GFRA2: variants seen among roughly 807,000 people sequenced by gnomAD.
GFRA2 encodes GDNF family receptor alpha-2.
GFRA2 carries 17 observed loss-of-function variants against 48.3 expected under a neutral mutation model. That is an observed-to-expected ratio of 0.35 (90% CI 0.24 to 0.53). The LOEUF is 0.53. Among genes scored for constraint, GFRA2 ranks in the 20% least tolerant of loss-of-function variants. GFRA2 has a pLI of 0.93. For missense variants in GFRA2, 660 were observed against 637.3 expected (o/e 1.04, Z -0.38); for synonymous variants, 305 against 257.2 (o/e 1.19, Z -1.78).
rs1215216583 is a variant in GFRA2 at position 21,691,769 on chromosome 8, G to T, written c.*1509C>A. ...TGGAGAAGTGAGCAAAGAGGGAACAGAACAGCCCACCAGGCTCAGCACAGC... is the reference window on the plus strand; with the variant it reads ...TGGAGAAGTGAGCAAAGAGGGAACATAACAGCCCACCAGGCTCAGCACAGC... On this transcript the variant is annotated 3_prime_UTR_variant, in exon 9 of 9. Coordinates refer to ENST00000524240, the MANE Select transcript of GFRA2 (RefSeq NM_001495.5). The T allele has an allele frequency of 6.6e-6, 1 of 152,364 alleles. No individual in the cohort carries two copies. The highest frequency in any genetic ancestry group is 1.5e-5 in the Non-Finnish European group (1 of 68,122). The allele number at this position is 152,364 out of a possible 1,614,324, so 9.4% of individuals were successfully genotyped here.
intron 7 of GFRA2, 148 bp from the exon 8 acceptor site, chr8:21,694,665 C>G: frequency 1.4e-6 from 1 of 729,188 alleles, no homozygotes; most frequent in South Asian, 1.7e-5. Flanking sequence ...CTCAATTCCA[C>G]CCAGCACAAA....
chr8:21,706,211 T>C (rs1284227870), intron 4 of GFRA2, among the ~76,000 whole-genome samples, 170 bp from the exon 5 acceptor site: 1 of 152,110 alleles, frequency 6.6e-6, no homozygotes, highest in African/African-American at 2.4e-5. Flanking sequence ...GGGGGCTCAA[T>C]CTGTGAGCTT....
chr8:21,735,638 AT>A (rs1804419893), intron 4 of GFRA2, among the ~76,000 whole-genome samples: 2 of 152,086 alleles, frequency 1.3e-5, no homozygotes, highest in Non-Finnish European at 2.9e-5. Context: ...AGAAACAACA[AT>A]ATAGCCAGGT....
upstream of GFRA2, among the ~76,000 whole-genome samples, chr8:21,791,316 G>A (rs999212629): frequency 1.2e-4 from 18 of 151,970 alleles, no homozygotes; most frequent in Admixed American, 1.1e-3. Context: ...GCCCTTCTGC[G>A]ACCCAAGACC....
intron 3 of GFRA2, among the ~76,000 whole-genome samples, chr8:21,761,255 CACTT>C (rs1279357944): frequency 5.9e-5 from 9 of 152,242 alleles, no homozygotes; most frequent in African/African-American, 1.9e-4. Context: ...TTGCAACAAA[CACTT>C]ACTGACAACC....
At chr8:21,802,738 T>G (rs954580623) in intron 2 of GFRA2, among the ~76,000 whole-genome samples, 5 of 152,102 alleles carry the variant, frequency 3.3e-5, no homozygotes, top group African/African-American at 1.2e-4. Context: ...GCAATAATGT[T>G]TGGAAGCTAT....
chr8:21,783,580 C>T (rs962314732), intron 1 of GFRA2, among the ~76,000 whole-genome samples: 23 of 152,210 alleles, frequency 1.5e-4, no homozygotes, highest in South Asian at 6.2e-4. Flanking sequence ...GAGAGATGAG[C>T]CTAACTCTAC....
chr8:21,730,065 T>C (rs1270834004), intron 4 of GFRA2, among the ~76,000 whole-genome samples: 2 of 151,748 alleles, frequency 1.3e-5, no homozygotes. Context: ...CTCATAAAGG[T>C]GTTTCCTGGG....
chr8:21,751,066 T>C (rs1805270095), intron 3 of GFRA2, 124 bp from the exon 4 acceptor site: 1 of 699,626 alleles, frequency 1.4e-6, no homozygotes, highest in Non-Finnish European at 2.4e-6. Flanking sequence ...TGTGCCTCAG[T>C]TTCCCCCTTT....
chr8:21,764,632 C>A (rs1806068777), intron 3 of GFRA2, among the ~76,000 whole-genome samples: 1 of 152,240 alleles, frequency 6.6e-6, no homozygotes, highest in South Asian at 2.1e-4. Context: ...GGCTGCCCTG[C>A]CATGCGTGCT....
At chr8:21,708,217 T>C (rs983944681) in intron 4 of GFRA2, among the ~76,000 whole-genome samples, 9 of 152,242 alleles carry the variant, frequency 5.9e-5, no homozygotes, top group African/African-American at 2.2e-4. Context: ...CAGTTATCCC[T>C]GCCTTCTCTT....
intron 1 of GFRA2, among the ~76,000 whole-genome samples, chr8:21,811,139 T>C (rs1046578560): frequency 2.0e-5 from 3 of 152,276 alleles, no homozygotes; most frequent in East Asian, 3.9e-4. Context: ...ACAGCCGGCA[T>C]GGGCAGCCAC....
intron 3 of GFRA2, among the ~76,000 whole-genome samples, chr8:21,757,692 G>A (rs1449517544): frequency 2.6e-5 from 4 of 151,722 alleles, no homozygotes; most frequent in East Asian, 1.9e-4. Flanking sequence ...TAGTAGAGAC[G>A]GGGTTTTGCC....
intron 3 of GFRA2, among the ~76,000 whole-genome samples, chr8:21,770,581 G>C (rs1806391343): frequency 6.6e-6 from 1 of 152,148 alleles, no homozygotes; most frequent in South Asian, 2.1e-4. Flanking sequence ...TCCAGCTTCA[G>C]AAAGGATGCC....
chr8:21,702,784 G>A (rs374019186), intron 7 of GFRA2, 21 bp downstream of exon 7: 25 of 1,567,402 alleles, frequency 1.6e-5, no homozygotes, highest in East Asian at 1.2e-4. Flanking sequence ...CTCCCCCCAC[G>A]CCTCAGCCAC....
intron 4 of GFRA2, among the ~76,000 whole-genome samples, chr8:21,709,020 G>T (rs1007489221): frequency 6.6e-6 from 1 of 152,176 alleles, no homozygotes; most frequent in Non-Finnish European, 1.5e-5. Context: ...GATCAGGTCC[G>T]AACACCGGAG....
At chr8:21,710,654 C>T (rs1253124605) in intron 4 of GFRA2, among the ~76,000 whole-genome samples, 1 of 152,188 alleles carries the variant, frequency 6.6e-6, no homozygotes, top group Non-Finnish European at 1.5e-5. Flanking sequence ...AAGAGCACCC[C>T]CTCACTCCTC....
At chr8:21,754,337 A>G (rs1246757889) in intron 3 of GFRA2, among the ~76,000 whole-genome samples, 1 of 152,144 alleles carries the variant, frequency 6.6e-6, no homozygotes, top group African/African-American at 2.4e-5. Context: ...TAAGTGCTCA[A>G]AAAATGTTGA....
chr8:21,787,317 C>G (rs1807332446), intron 1 of GFRA2, among the ~76,000 whole-genome samples: 1 of 151,644 alleles, frequency 6.6e-6, no homozygotes, highest in Non-Finnish European at 1.5e-5. Context: ...TGTTCAGACC[C>G]GTTTTTCCTC....
Sources: gnomAD v4.1 joint callset for allele counts (sites outside exome capture counted in the v4.1 genomes callset) on GRCh38, gnomAD v4.1.1 for gene constraint, MANE v1.5 for transcripts, NCBI Gene and HGNC (gene_info 2026-07-23, HGNC 2026-07-21) for gene names.